The following UNC13A variants were observed in gnomAD, a reference collection of about 807,000 sequenced individuals.
The protein encoded by UNC13A is unc-13 homolog A.
A neutral mutation model predicts 219.7 loss-of-function variants in UNC13A; 61 were observed. The observed-to-expected ratio is 0.28, with a 90% CI of 0.23 to 0.34. The LOEUF is 0.34. Ranked by LOEUF, UNC13A falls within the 10% of genes least tolerant of loss-of-function variation. The probability of loss-of-function intolerance (pLI) is 1.00; values close to 1 mark genes in which losing one functional copy is unlikely to be tolerated. For missense variants in UNC13A, 1,476 were observed against 2,270.3 expected, an observed-to-expected ratio of 0.65 and a Z score of 7.11; for synonymous variants, 920 against 884.6, an observed-to-expected ratio of 1.04 and a Z score of -0.71.
intron 3 of UNC13A, among the ~76,000 whole-genome samples, chr19:17,673,730 G>T (rs1224670057): frequency 6.7e-6 from 1 of 150,034 alleles, no homozygotes; most frequent in Non-Finnish European, 1.5e-5. Context: ...AATTCCATTG[G>T]CCAGGCATGG....
intron 43 of UNC13A, among the ~76,000 whole-genome samples, chr19:17,607,453 G>A (rs2076544368): frequency 1.6e-5 from 2 of 126,110 alleles, no homozygotes; most frequent in African/African-American, 3.0e-5. Flanking sequence ...AGTACAGATG[G>A]GGGTGGCGGG....
At chr19:17,676,062 A>G (rs2079892569) in intron 1 of UNC13A, 21 bp from the exon 2 acceptor site, 1 of 1,551,604 alleles carries the variant, frequency 6.4e-7, no homozygotes, top group Non-Finnish European at 8.7e-7. Context: ...AGACAGAGAT[A>G]GGGAAGGGAG....
At position 17,605,949 on chromosome 19, in the gene UNC13A, C is replaced by T. The variant is rs571325205; in HGVS notation, c.*105G>A. 3.6e-6 allele frequency: 4 copies of T among 1,099,632 alleles called. No homozygotes were observed. Among genetic ancestry groups the T allele is most frequent in the South Asian group, 4.4e-5 (2 of 45,784 alleles). The allele number at this position is 1,099,632 out of a possible 1,614,324, so 68.1% of individuals were successfully genotyped here. A position where few individuals can be genotyped will look rare whatever the true frequency, so the allele number is the denominator to read the frequency against. ...GCGCAGCCCACCCTTGGCGTGGAGC[C>T]CCCCGAGCCCCGCCCCTGGGGAGGT... On this transcript the variant is annotated 3_prime_UTR_variant, in exon 44 of 44. Coordinates refer to ENST00000519716, the MANE Select transcript of UNC13A (RefSeq NM_001080421.3).
rs2076876474 is a variant in UNC13A at position 17,633,248 on chromosome 19, G to A, written c.3216-55C>T. 11 of 1,533,768 alleles carry A rather than the reference G, an allele frequency of 7.2e-6. 1 individual carries two copies. The South Asian group carries it at 1.2e-4, about 17-fold the overall frequency. On this transcript the variant is annotated intron_variant, in intron 26 of 43. Transcript: ENST00000519716. ...GGCAGGCAGAAGGCAGATGGGATGGGCTGCTTTGTCCTTCCCTGCCCCACA... is the reference window on the plus strand; with the variant it reads ...GGCAGGCAGAAGGCAGATGGGATGGACTGCTTTGTCCTTCCCTGCCCCACA...
chr19:17,631,119 C>T (rs1363761085), intron 28 of UNC13A, among the ~76,000 whole-genome samples: 2 of 125,828 alleles, frequency 1.6e-5, no homozygotes, highest in East Asian at 2.4e-4. Context: ...ATAAACTGCC[C>T]ATGGCAAGTG....
chr19:17,653,346 T>A (rs200656644), intron 11 of UNC13A, among the ~76,000 whole-genome samples: 8 of 111,126 alleles, frequency 7.2e-5, no homozygotes, highest in South Asian at 3.0e-4. Flanking sequence ...ATATATATAT[T>A]TTGTTTGTTT....
intron 41 of UNC13A, chr19:17,613,702 CTTT>C (rs1157023997): frequency 0.33 from 41,336 of 124,398 alleles, 6,133 homozygotes; most frequent in African/African-American, 0.4. Flanking sequence ...TCTTAAGTTT[CTTT>C]TTTTTTTTTT....
intron 25 of UNC13A, among the ~76,000 whole-genome samples, chr19:17,636,593 C>T (rs997241629): frequency 5.3e-5 from 8 of 151,996 alleles, no homozygotes; most frequent in African/African-American, 1.4e-4. Context: ...AAATGAATTC[C>T]GTTGGATTGA....
At chr19:17,646,496 T>C (rs780965423) in intron 17 of UNC13A, among the ~76,000 whole-genome samples, 13 of 151,976 alleles carry the variant, frequency 8.6e-5, no homozygotes, top group Non-Finnish European at 1.6e-4. Flanking sequence ...CCTCAGGTGA[T>C]CCGCCTGCCT....
intron 1 of UNC13A, among the ~76,000 whole-genome samples, chr19:17,683,282 G>A (rs940812636): frequency 1.7e-4 from 26 of 152,186 alleles, no homozygotes; most frequent in South Asian, 1.5e-3. Context: ...TCTGTACAAT[G>A]GGGCTACTGT....
At chr19:17,655,423 G>A (rs778364728) in intron 10 of UNC13A, 41 bp from the exon 11 acceptor site, 50 of 1,477,432 alleles carry the variant, frequency 3.4e-5, no homozygotes, top group Middle Eastern at 3.4e-4. Context: ...CTGGCTCTCC[G>A]TGACCCCTGA....
rs1599347055 is a variant in UNC13A, at chr19:17,627,317, C to T, written c.3920+192G>A. ...CAGAGCAATAAAAAAAAAAATAAGGCTCAGAGAAGTTAAGTGACTCACCCA... is the reference window on the plus strand; with the variant it reads ...CAGAGCAATAAAAAAAAAAATAAGGTTCAGAGAAGTTAAGTGACTCACCCA... On this transcript the variant is annotated intron_variant, in intron 33 of 43. Coordinates refer to ENST00000519716, the MANE Select transcript of UNC13A (RefSeq NM_001080421.3). This position sits in a 1 kb window ranked among gnomAD's most constrained non-coding sequence, Gnocchi z 4.7. 6.6e-6 allele frequency among the ~76,000 whole-genome samples: 1 copy of T among 152,048 alleles called. No individual in the cohort carries two copies. The highest frequency in any genetic ancestry group is 1.9e-4 in the East Asian group (1 of 5,198).
intron 8 of UNC13A, among the ~76,000 whole-genome samples, chr19:17,661,855 A>G (rs563828546): frequency 6.6e-6 from 1 of 152,218 alleles, no homozygotes; most frequent in East Asian, 1.9e-4. Flanking sequence ...CGGTTGGGTG[A>G]GCGAGTGAAG....
chr19:17,631,946 T>C (rs2076860283), intron 28 of UNC13A, among the ~76,000 whole-genome samples: 1 of 152,160 alleles, frequency 6.6e-6, no homozygotes, highest in African/African-American at 2.4e-5. Flanking sequence ...AGTCTCACTT[T>C]GTTGCCCCAG....
chr19:17,640,108 C>G (rs1301304346), intron 22 of UNC13A, among the ~76,000 whole-genome samples, 200 bp from the exon 23 acceptor site: 1 of 151,946 alleles, frequency 6.6e-6, no homozygotes, highest in Non-Finnish European at 1.5e-5. Flanking sequence ...AGTCTCAGCT[C>G]ACTGCAACCT....
Position 17,603,513 on chromosome 19 carries a change from C to T in UNC13A, c.*2541G>A, listed in dbSNP as rs947093714. On this transcript the variant is annotated 3_prime_UTR_variant, in exon 44 of 44. Coordinates refer to ENST00000519716, the MANE Select transcript of UNC13A (RefSeq NM_001080421.3). ...ATAAGCTTATCCCTGGCTACAACTT[C>T]CCAACCCTGTATGAGAATTTGCATT... 6.6e-6 allele frequency: 1 copy of T among 152,248 alleles called. No individual in the cohort carries two copies. Among genetic ancestry groups the T allele is most frequent in the African/African-American group, 2.4e-5 (1 of 41,448 alleles). The allele number at this position is 152,248 out of a possible 1,614,324, so 9.4% of individuals were successfully genotyped here. A position where few individuals can be genotyped will look rare whatever the true frequency, so the allele number is the denominator to read the frequency against.
intron 43 of UNC13A, among the ~76,000 whole-genome samples, chr19:17,609,603 A>G (rs2076580225): frequency 6.6e-6 from 1 of 151,594 alleles, no homozygotes; most frequent in African/African-American, 2.4e-5. Context: ...TTCACCAGAC[A>G]GAGTCTCCAG....
Position 17,609,862 on chromosome 19 carries a change from T to G in UNC13A, c.4811+78A>C, listed in dbSNP as rs1568497322. ...CCGGGCCCAGATTCCAGATACCTCC[T>G]GCCTAGCTGGCTTTGGGGTTCACCT... On this transcript the variant is annotated intron_variant, in intron 43 of 43. Coordinates refer to ENST00000519716, the MANE Select transcript of UNC13A (RefSeq NM_001080421.3). 5.7e-6 allele frequency: 9 copies of G among 1,591,818 alleles called. No individual in the cohort carries two copies. The East Asian group carries it at 2.0e-4, about 36-fold the overall frequency.
intron 19 of UNC13A, among the ~76,000 whole-genome samples, chr19:17,644,844 AC>A (rs1372520319): frequency 6.7e-6 from 1 of 150,348 alleles, no homozygotes; most frequent in Non-Finnish European, 1.5e-5. Flanking sequence ...GGTGAGTGTC[AC>A]CCTGCCTAGC....
Sources: allele counts gnomAD v4.1 joint callset (sites outside exome capture counted in the v4.1 genomes callset), GRCh38; gene constraint gnomAD v4.1.1; non-coding constraint Gnocchi (gnomAD v3.1); transcripts MANE v1.5; gene names NCBI Gene and HGNC (gene_info 2026-07-23, HGNC 2026-07-21).